Variants in LEPROTL1 observed in about 807,000 individuals in gnomAD.
LEPROTL1 encodes the protein leptin receptor overlapping transcript-like 1.
LEPROTL1 carries 6 observed loss-of-function variants against 15.4 expected under a neutral mutation model. That is an observed-to-expected ratio of 0.39 (90% confidence interval 0.21 to 0.77). LEPROTL1 has a LOEUF of 0.77. Among genes scored for constraint, LEPROTL1 ranks in the 30% least tolerant of loss-of-function variants. LEPROTL1 has a pLI of 0.41. For missense variants in LEPROTL1, 128 were observed against 158.1 expected (o/e 0.81, Z 1.02); for synonymous variants, 56 against 52.6 (o/e 1.06, Z -0.28).
intron 3 of LEPROTL1, among the ~76,000 whole-genome samples, chr8:30,118,432 GTAGTT>G (rs1802776151): frequency 6.6e-6 from 1 of 152,160 alleles, no homozygotes; most frequent in Non-Finnish European, 1.5e-5. Flanking sequence ...CACAGACTGC[GTAGTT>G]TAAACAACAG....
Position 30,095,412 on chromosome 8 carries a change from T to C in LEPROTL1, c.-101T>C. Reference sequence around the variant, plus strand: ...CCGGCGGAAGTGCTGCGTCGCGCACTTCCGGGTGTTGTCTGGCCGCCGTAG... The same window carrying C: ...CCGGCGGAAGTGCTGCGTCGCGCACCTCCGGGTGTTGTCTGGCCGCCGTAG... On this transcript the variant is annotated 5_prime_UTR_variant, in exon 1 of 4. Transcript: ENST00000321250. The C allele has an allele frequency of 1.7e-6, 2 of 1,196,886 alleles. No individual in the cohort carries two copies. The highest frequency in any genetic ancestry group is 2.2e-6 in the Non-Finnish European group (2 of 892,412). The allele number at this position is 1,196,886 out of a possible 1,614,324, so 74.1% of individuals were successfully genotyped here.
intron 2 of LEPROTL1, 78 bp downstream of exon 2, chr8:30,102,051 A>G: frequency 1.2e-6 from 1 of 831,024 alleles, no homozygotes; most frequent in East Asian, 2.7e-5. Context: ...ATGTTTTTTT[A>G]CTACTGTAAA....
chr8:30,133,207 G>A (rs1803065969), intron 4 of LEPROTL1, among the ~76,000 whole-genome samples: 1 of 152,018 alleles, frequency 6.6e-6, no homozygotes, highest in African/African-American at 2.4e-5. Context: ...ATGAGCCACC[G>A]CCCCTGGCAA....
At chr8:30,105,606 G>T (rs1802551343) in intron 3 of LEPROTL1, 140 bp from the exon 4 acceptor site, 1 of 296,056 alleles carries the variant, frequency 3.4e-6, no homozygotes, top group Non-Finnish European at 6.2e-6. Context: ...TTATAAGTAT[G>T]TGTTCAGCAC....
intron 4 of LEPROTL1, among the ~76,000 whole-genome samples, chr8:30,136,714 A>G (rs1407395314): frequency 6.7e-6 from 1 of 149,044 alleles, no homozygotes; most frequent in Non-Finnish European, 1.5e-5. Context: ...TGGTGAAAAT[A>G]GTCTCTCCCC....
chr8:30,133,148 CT>C (rs1803064700), intron 4 of LEPROTL1, among the ~76,000 whole-genome samples: 1 of 152,124 alleles, frequency 6.6e-6, no homozygotes, highest in Non-Finnish European at 1.5e-5. Flanking sequence ...AACTCCTGGG[CT>C]TAAGCAATCT....
intron 3 of LEPROTL1, chr8:30,132,034 C>A: frequency 6.4e-7 from 1 of 1,551,804 alleles, no homozygotes; most frequent in Non-Finnish European, 8.7e-7. Flanking sequence ...ACAGAGCAAC[C>A]AGAGAGAGGA....
rs1215149746 is a variant in LEPROTL1 at position 30,105,856 on chromosome 8, G to A, written c.390G>A (p.Gln130=). The change falls in exon 4 of 4, where the codon CAG becomes CAA. Residue 130 remains glutamine, a synonymous_variant. Coordinates refer to ENST00000321250, the MANE Select transcript of LEPROTL1 (RefSeq NM_015344.3). ...GCAATGACGACTTCAGCTGGCAGCA[G>A]TGGTGAAAAGAAATTACTGAACTAT... ...FGSNDDFSWQ[Q]W is the part of the protein sequence containing the mutation. The A allele has an allele frequency of 5.2e-6, 8 of 1,539,706 alleles. No homozygotes were observed. In the Admixed American group the frequency reaches 6.6e-5, roughly 13 times the overall value.
At chr8:30,113,128 T>G (rs143537560), downstream of LEPROTL1, among the ~76,000 whole-genome samples, 2,937 of 146,290 alleles carry the variant, frequency 0.02, 69 homozygotes, top group East Asian at 0.073. Context: ...AAAAAAAAAT[T>G]AGCCGGGTGT....
chr8:30,103,605 G>A (rs1361640720), intron 2 of LEPROTL1, among the ~76,000 whole-genome samples: 1 of 151,892 alleles, frequency 6.6e-6, no homozygotes, highest in Non-Finnish European at 1.5e-5. Flanking sequence ...GCCGGGCATG[G>A]TGGTGCACGC....
At chr8:30,131,941 T>A in intron 3 of LEPROTL1, 1 of 1,540,874 alleles carries the variant, frequency 6.5e-7, no homozygotes, top group Non-Finnish European at 8.8e-7. Context: ...CAGGGAAAGA[T>A]GTCAGTTACA....
At chr8:30,110,319 T>C (rs200574998), downstream of LEPROTL1, among the ~76,000 whole-genome samples, 4 of 152,192 alleles carry the variant, frequency 2.6e-5, no homozygotes, top group East Asian at 1.9e-4. Flanking sequence ...AAAACACTTA[T>C]CTTTCAACTG....
chr8:30,117,293 G>A (rs1378669914), intron 3 of LEPROTL1: 3 of 678,824 alleles, frequency 4.4e-6, no homozygotes, highest in Non-Finnish European at 7.4e-6. Context: ...TTTCAGACCA[G>A]CCTGGACAAA....
chr8:30,096,592 T>C (rs1802371468), intron 1 of LEPROTL1, among the ~76,000 whole-genome samples: 1 of 152,232 alleles, frequency 6.6e-6, no homozygotes, highest in Non-Finnish European at 1.5e-5. Flanking sequence ...TACTTTGTAA[T>C]CTCCTTTTGA....
At chr8:30,134,344 A>T (rs1056463607) in intron 4 of LEPROTL1, among the ~76,000 whole-genome samples, 1 of 151,844 alleles carries the variant, frequency 6.6e-6, no homozygotes, top group African/African-American at 2.4e-5. Context: ...AGTCACTGGA[A>T]CCTGGGAGGC....
intron 4 of LEPROTL1, among the ~76,000 whole-genome samples, chr8:30,133,745 C>T (rs1457639663): frequency 7.0e-6 from 1 of 142,874 alleles, no homozygotes; most frequent in Admixed American, 7.3e-5. Flanking sequence ...GCTATGATTG[C>T]ACCACTGCAC....
chr8:30,132,381 G>T, exon 4 of LEPROTL1: 1 of 1,551,770 alleles, frequency 6.4e-7, no homozygotes, highest in Non-Finnish European at 8.7e-7. Context: ...CCAGGGTCCA[G>T]ATGTCTGCAT....
intron 2 of LEPROTL1, among the ~76,000 whole-genome samples, chr8:30,103,222 G>GT (rs1802501936): frequency 6.6e-6 from 1 of 152,164 alleles, no homozygotes; most frequent in African/African-American, 2.4e-5. Context: ...AGGAAGAGCT[G>GT]TAAGTGCTAA....
intron 1 of LEPROTL1, among the ~76,000 whole-genome samples, chr8:30,100,508 G>C (rs145233169): frequency 8.9e-4 from 135 of 152,314 alleles, no homozygotes; most frequent in African/African-American, 3.2e-3. Context: ...GGAATGCAAA[G>C]GCGCAGTCTA....
Sources: allele counts gnomAD v4.1 joint callset (sites outside exome capture counted in the v4.1 genomes callset), GRCh38; gene constraint gnomAD v4.1.1; transcripts MANE v1.5; gene names NCBI Gene and HGNC (gene_info 2026-07-23, HGNC 2026-07-21).